Variants in FAM118A observed in about 807,000 individuals in gnomAD.
The protein encoded by FAM118A is SIR2 antiphage like 2, also known as protein FAM118A.
FAM118A carries 25 observed loss-of-function variants against 38.2 expected under a neutral mutation model. The observed-to-expected ratio is 0.65, with a 90% CI of 0.48 to 0.91. The LOEUF is 0.91. Ranked by LOEUF, FAM118A falls within the 40% of genes least tolerant of loss-of-function variation. The pLI, the probability that FAM118A is intolerant of heterozygous loss-of-function variation, is 0.00. For missense variants in FAM118A, 425 were observed against 463.3 expected, an observed-to-expected ratio of 0.92 and a Z score of 0.76; for synonymous variants, 178 against 184.1, an observed-to-expected ratio of 0.97 and a Z score of 0.27.
chr22:45,309,081 G>C, upstream of FAM118A: 1 of 152,256 alleles, frequency 6.6e-6, no homozygotes, highest in East Asian at 1.9e-4. Flanking sequence ...ATACCCACAA[G>C]GTAGGTGCTA....
At chr22:45,328,740 T>G in intron 4 of FAM118A, 2 of 480,850 alleles carry the variant, frequency 4.2e-6, no homozygotes, top group East Asian at 3.5e-5. Flanking sequence ...CTGAGATCAC[T>G]GTACTCCAGC....
intron 1 of FAM118A, among the ~76,000 whole-genome samples, chr22:45,312,529 C>T (rs2084417598): frequency 6.6e-6 from 1 of 152,142 alleles, no homozygotes; most frequent in Non-Finnish European, 1.5e-5. Flanking sequence ...AAAAAATTAG[C>T]TGGGCATGGT....
intron 2 of FAM118A, among the ~76,000 whole-genome samples, chr22:45,322,915 A>G (rs1160507429): frequency 1.3e-5 from 2 of 152,188 alleles, no homozygotes; most frequent in African/African-American, 4.8e-5. Context: ...ATTGAGCTTA[A>G]CACTGGGCAA....
chr22:45,312,599 G>A (rs1437031723), intron 1 of FAM118A, among the ~76,000 whole-genome samples: 3 of 152,164 alleles, frequency 2.0e-5, no homozygotes, highest in South Asian at 2.1e-4. Context: ...CCTTGAACCC[G>A]GAAGGCTGAG....
In FAM118A at chr22:45,323,329, G is replaced by A; in HGVS notation, c.202G>A (p.Val68Met). Residue 68 changes from valine (V) to methionine (M), a missense_variant, in exon 3 of 9, where the codon GTG becomes ATG. Coordinates refer to ENST00000441876, the MANE Select transcript of FAM118A (RefSeq NM_017911.4). ...AVIEAAEQLEVLHPGDVAEFR... is the reference protein window; with the variant it reads ...AVIEAAEQLEMLHPGDVAEFR... ...CATCGAGGCTGCAGAGCAGCTGGAGGTGCTGCACCCCGGAGACGTCGCCGA... is the reference window on the plus strand; with the variant it reads ...CATCGAGGCTGCAGAGCAGCTGGAGATGCTGCACCCCGGAGACGTCGCCGA... 6.2e-7 allele frequency: 1 copy of A among 1,614,180 alleles called. No homozygotes were observed. Among genetic ancestry groups the A allele is most frequent in the South Asian group, 1.1e-5 (1 of 91,082 alleles).
chr22:45,310,268 G>T (rs1375738062), intron 1 of FAM118A, 85 bp downstream of exon 1: 1 of 151,762 alleles, frequency 6.6e-6, no homozygotes, highest in African/African-American at 2.4e-5. Flanking sequence ...CGGCCCCGGG[G>T]CCACCCCAGG....
At chr22:45,335,023 CTG>C (rs2085987231) in intron 6 of FAM118A, 1 of 343,152 alleles carries the variant, frequency 2.9e-6, no homozygotes, top group African/African-American at 2.1e-5. Flanking sequence ...TAATCTGTGA[CTG>C]TGTCATGAAG....
chr22:45,315,517 T>A (rs571758766), intron 1 of FAM118A, among the ~76,000 whole-genome samples: 1,816 of 152,326 alleles, frequency 0.012, 58 homozygotes, highest in Admixed American at 0.07. Context: ...GTACACTTTA[T>A]TAAGTGCCTT....
chr22:45,327,709 G>A (rs1310652132), intron 3 of FAM118A, 133 bp from the exon 4 acceptor site: 8 of 853,482 alleles, frequency 9.4e-6, no homozygotes, highest in South Asian at 8.1e-5. Flanking sequence ...CTGGGGTTGC[G>A]GCGCACGCTG....
At chr22:45,328,763 G>A in intron 4 of FAM118A, 1 of 364,678 alleles carries the variant, frequency 2.7e-6, no homozygotes, top group East Asian at 4.4e-5. Context: ...GGGCAAGAGA[G>A]TGAGACCCTG....
chr22:45,340,454 C>T lies in FAM118A; in HGVS notation c.*49C>T. On this transcript the variant is annotated 3_prime_UTR_variant, in exon 9 of 9. Coordinates refer to ENST00000441876, the MANE Select transcript of FAM118A (RefSeq NM_017911.4). ...CTTGAAAACTAGCCTTCTGTAACCA[C>T]AGTGCCCAAACGAAGAGGAATGTAT... 2 of 1,604,758 alleles carry T rather than the reference C, an allele frequency of 1.2e-6. No individual in the cohort carries two copies. The highest frequency in any genetic ancestry group is 2.2e-5 in the South Asian group (2 of 90,878).
intron 1 of FAM118A, 193 bp from the exon 2 acceptor site, chr22:45,322,178 A>G (rs1443409021): frequency 4.6e-6 from 7 of 1,508,588 alleles, no homozygotes; most frequent in African/African-American, 2.8e-5. Context: ...GATGAGTCTC[A>G]TGAGATGAGG....
intron 1 of FAM118A, among the ~76,000 whole-genome samples, chr22:45,315,989 A>G (rs2084590449): frequency 6.6e-6 from 1 of 152,174 alleles, no homozygotes; most frequent in South Asian, 2.1e-4. Context: ...CAGATGGTTC[A>G]TTTGTGGTTA....
rs2085005048 is a variant in FAM118A, at chr22:45,323,186, A to G, written c.59A>G (p.Lys20Arg). ...TTCTTTTCAAGTAGAAAGTTTTTAA[A>G]AAGCCTCATCCGGAAACAGCCCCAG... ...RSEQKSRKFL[K>R]SLIRKQPQEL... The change falls in exon 3 of 9, where the codon AAA becomes AGA. Residue 20 changes from lysine to arginine, a missense_variant. Coordinates refer to ENST00000441876, the MANE Select transcript of FAM118A (RefSeq NM_017911.4). 1 of 1,608,492 alleles carries G rather than the reference A, an allele frequency of 6.2e-7. No homozygotes were observed. The highest frequency in any genetic ancestry group is 8.5e-7 in the Non-Finnish European group (1 of 1,175,500).
At position 45,322,445 on chromosome 22, in the gene FAM118A, A is replaced by G; in HGVS notation, c.47+19A>G. 1 of 1,598,690 alleles carries G rather than the reference A, an allele frequency of 6.3e-7. No individual in the cohort carries two copies. The highest frequency in any genetic ancestry group is 8.5e-7 in the Non-Finnish European group (1 of 1,173,018). On this transcript the variant is annotated intron_variant, in intron 2 of 8. Transcript: ENST00000441876. ...AATCCAGGTAATTAAAGGCAACTAT[A>G]CCTTCAAGCAGCTTCATTGACTTCA... is the stretch of plus-strand genomic sequence containing the variant.
rs1051760753 is a variant in FAM118A at position 45,327,985 on chromosome 22, C to G, written c.444C>G (p.Asn148Lys). ...GGGGCGCCATGGTCCTGACCACCAA[C>G]TATGACAACCTGCTGGAGGCCTTTG... ...MDRGAMVLTT[N>K]YDNLLEAFGR... Residue 148 changes from asparagine to lysine, a missense_variant, in exon 4 of 9, where the codon AAC (asparagine) becomes AAG (lysine). Asn to Lys is a moderately conservative substitution (Grantham distance 94). Coordinates refer to ENST00000441876, the MANE Select transcript of FAM118A (RefSeq NM_017911.4). 4 of 1,613,276 alleles carry G rather than the reference C, an allele frequency of 2.5e-6. No individual in the cohort carries two copies. Among genetic ancestry groups the G allele is most frequent in the Non-Finnish European group, 3.4e-6 (4 of 1,179,814 alleles).
At position 45,336,588 on chromosome 22, in the gene FAM118A, C is replaced by T. The variant is rs962222420; in HGVS notation, c.1054+177C>T. Among the ~76,000 whole-genome samples the T allele has an allele frequency of 2.0e-5, 3 of 152,230 alleles. No homozygotes were observed. In the East Asian group the frequency reaches 5.8e-4, roughly 29 times the overall value. On this transcript the variant is annotated intron_variant, in intron 8 of 8. Transcript: ENST00000441876. Reference sequence around the variant, plus strand: ...CTTAGCAGAGACCCTGACCTCTCACCCCAACCCGATTCCAACTGCCCAGAG... The same window carrying T: ...CTTAGCAGAGACCCTGACCTCTCACTCCAACCCGATTCCAACTGCCCAGAG...
chr22:45,314,136 A>G (rs904789808), intron 1 of FAM118A, among the ~76,000 whole-genome samples: 2 of 152,190 alleles, frequency 1.3e-5, no homozygotes, highest in Non-Finnish European at 2.9e-5. Context: ...AGCCTGCAGC[A>G]TCTCCTTGTC....
chr22:45,335,215 C>G, intron 6 of FAM118A, 135 bp from the exon 7 acceptor site: 1 of 874,794 alleles, frequency 1.1e-6, no homozygotes, highest in South Asian at 1.6e-5. Flanking sequence ...GCGCAGGAGT[C>G]CGCAGCCCGC....
Sources: gnomAD v4.1 joint callset for allele counts (sites outside exome capture counted in the v4.1 genomes callset) on GRCh38, gnomAD v4.1.1 for gene constraint, MANE v1.5 for transcripts, NCBI Gene and HGNC (gene_info 2026-07-23, HGNC 2026-07-21) for gene names.